Variants in CSMD1 observed in about 807,000 individuals in gnomAD.
The protein encoded by CSMD1 is CUB and Sushi multiple domains 1.
Under a neutral mutation model 417.5 loss-of-function variants are expected in CSMD1, and 213 were observed. The observed-to-expected ratio is 0.51, with a 90% CI of 0.46 to 0.57. The LOEUF (loss-of-function observed/expected upper bound fraction) is 0.57. Among genes scored for constraint, CSMD1 ranks in the 20% least tolerant of loss-of-function variants. The pLI is 0.00. For synonymous variants in CSMD1, 2,862 were observed against 1,736.8 expected, an observed-to-expected ratio of 1.65 and a Z score of -16.11; for missense variants, 6,923 against 4,529.7, an observed-to-expected ratio of 1.53 and a Z score of -15.17.
intron 26 of CSMD1, among the ~76,000 whole-genome samples, chr8:3,232,529 A>G (rs1798902163): frequency 6.6e-6 from 1 of 152,178 alleles, no homozygotes; most frequent in Non-Finnish European, 1.5e-5. Context: ...ACCCTTATAT[A>G]AAATGCTGCT....
At chr8:4,021,701 T>A (rs1228525937) in intron 4 of CSMD1, among the ~76,000 whole-genome samples, 2 of 152,204 alleles carry the variant, frequency 1.3e-5, no homozygotes, top group African/African-American at 2.4e-5. Flanking sequence ...AGTGACTATT[T>A]TTTTCTCTAT....
At chr8:3,281,703 G>C (rs563939695) in intron 26 of CSMD1, among the ~76,000 whole-genome samples, 1 of 152,288 alleles carries the variant, frequency 6.6e-6, no homozygotes, top group South Asian at 2.1e-4. Context: ...GCAGAACACA[G>C]GGAATTGTTA....
Position 3,930,519 on chromosome 8 carries a change from T to C in CSMD1, c.818+67384A>G, listed in dbSNP as rs532124108. ...TCCTTCCTTTGTTCTCCTCTGCCTT[T>C]GCCTCTTTTCAAAAGTTCTAAGTTG... On this transcript the variant is annotated intron_variant, in intron 5 of 69. Coordinates refer to ENST00000635120, the MANE Select transcript of CSMD1 (RefSeq NM_033225.6). 9.2e-4 allele frequency among the ~76,000 whole-genome samples: 138 copies of C among 150,528 alleles called. 7 individuals carry two copies. Among genetic ancestry groups the C allele is most frequent in the African/African-American group, 3.2e-3 (131 of 40,840 alleles).
intron 49 of CSMD1, among the ~76,000 whole-genome samples, chr8:3,079,680 T>A (rs1193789332): frequency 1.3e-5 from 2 of 152,150 alleles, no homozygotes; most frequent in Non-Finnish European, 2.9e-5. Flanking sequence ...AAAGGACAGT[T>A]TCCTCTGAAA....
intron 3 of CSMD1, among the ~76,000 whole-genome samples, chr8:4,415,039 G>A (rs530689823): frequency 2.0e-5 from 3 of 152,290 alleles, no homozygotes; most frequent in Admixed American, 6.5e-5. Flanking sequence ...GCTATCCTTC[G>A]TTTCATAGTC....
intron 50 of CSMD1, among the ~76,000 whole-genome samples, chr8:3,040,192 T>C (rs1432898802): frequency 6.6e-6 from 1 of 152,136 alleles, no homozygotes; most frequent in Non-Finnish European, 1.5e-5. Context: ...CCAAACTTTA[T>C]GTTCTGTTTA....
intron 40 of CSMD1, among the ~76,000 whole-genome samples, chr8:3,143,703 A>G (rs1229256325): frequency 6.6e-6 from 1 of 152,222 alleles, no homozygotes; most frequent in Non-Finnish European, 1.5e-5. Context: ...TCCAGTATAA[A>G]AGAAAGCTTT....
chr8:3,900,204 GACAGTGGAGCTGGGTGACAGTGTTA>G (rs1421586522), intron 5 of CSMD1, among the ~76,000 whole-genome samples: 3 of 152,026 alleles, frequency 2.0e-5, no homozygotes, highest in South Asian at 2.1e-4. Flanking sequence ...GCAGCTGGGT[GACAGTGGAGCTGGGTGACAGTGTTA>G]ACAGTGGAGC....
intron 1 of CSMD1, among the ~76,000 whole-genome samples, chr8:4,814,449 G>C (rs58024148): frequency 6.6e-6 from 1 of 152,140 alleles, no homozygotes; most frequent in African/African-American, 2.4e-5. Flanking sequence ...GTTTCACCAT[G>C]TTGGCCAAGG....
intron 7 of CSMD1, among the ~76,000 whole-genome samples, chr8:3,686,767 C>T (rs1439192036): frequency 6.6e-6 from 1 of 152,222 alleles, no homozygotes; most frequent in East Asian, 1.9e-4. Flanking sequence ...GCCAGTCTAT[C>T]AGTGGCTGGT....
intron 3 of CSMD1, among the ~76,000 whole-genome samples, chr8:4,356,719 G>C (rs1801453001): frequency 1.3e-5 from 2 of 152,056 alleles, no homozygotes; most frequent in South Asian, 4.1e-4. Flanking sequence ...CTCTCCAATG[G>C]AGAGGTACAG....
At chr8:4,376,795 GTCCGACCT>G (rs1357814366) in intron 3 of CSMD1, among the ~76,000 whole-genome samples, 6 of 152,098 alleles carry the variant, frequency 3.9e-5, no homozygotes, top group African/African-American at 7.2e-5. Context: ...ATTTTCTGTT[GTCCGACCT>G]CTACTTTCAT....
chr8:3,179,765 A>C (rs1237296500), intron 37 of CSMD1, among the ~76,000 whole-genome samples: 1 of 152,246 alleles, frequency 6.6e-6, no homozygotes, highest in East Asian at 1.9e-4. Flanking sequence ...ACAGAGAGTC[A>C]CAAAGTATAT....
chr8:3,091,538 T>A lies in CSMD1; in HGVS notation c.7263A>T (p.Lys2421Asn). The stretch of plus-strand genomic sequence containing the variant: ...TACCTGCATAGCGAATCTTGAATCC[T>A]TTCTTACTGGTGGCATGGTCAGTGG... The part of the protein sequence containing the change: ...RWSTDHATSK[K>N]GFKIRYAAPY... Residue 2421 changes from lysine (K) to asparagine (N), a missense_variant, in exon 48 of 70, where the codon AAA becomes AAT. Transcript: ENST00000635120. 1.2e-6 allele frequency: 2 copies of A among 1,606,404 alleles called. No homozygotes were observed.
chr8:3,955,079 G>A (rs1344904274), intron 5 of CSMD1, among the ~76,000 whole-genome samples: 1 of 152,146 alleles, frequency 6.6e-6, no homozygotes, highest in Non-Finnish European at 1.5e-5. Context: ...ACCATCACCT[G>A]ACATTTCTAG....
intron 3 of CSMD1, among the ~76,000 whole-genome samples, chr8:4,095,520 C>G (rs1406424693): frequency 1.3e-5 from 2 of 152,180 alleles, no homozygotes; most frequent in Non-Finnish European, 2.9e-5. Flanking sequence ...AATGTCCCCA[C>G]TAGTATCAAT....
Position 4,382,432 on chromosome 8 carries a change from G to T in CSMD1, c.415+37521C>A, listed in dbSNP as rs1490911655. Among the ~76,000 whole-genome samples the T allele has an allele frequency of 3.9e-5, 6 of 152,302 alleles. No individual in the cohort carries two copies. In the East Asian group the frequency reaches 1.2e-3, roughly 29 times the overall value. On this transcript the variant is annotated intron_variant, in intron 3 of 69. Transcript: ENST00000635120. Reference sequence around the variant, plus strand: ...GAAGCAAATTAGCTGTCCTATTGTAGTATAGTCTGGCCTTGTTACTTTATA... The same window carrying T: ...GAAGCAAATTAGCTGTCCTATTGTATTATAGTCTGGCCTTGTTACTTTATA...
At chr8:4,190,849 C>G (rs536041491) in intron 3 of CSMD1, among the ~76,000 whole-genome samples, 47 of 151,588 alleles carry the variant, frequency 3.1e-4, no homozygotes, top group African/African-American at 1.0e-3. Context: ...GATGCAGGAA[C>G]AGAAAACCAA....
chr8:4,811,951 A>G (rs1002646244), intron 1 of CSMD1, among the ~76,000 whole-genome samples: 1 of 152,190 alleles, frequency 6.6e-6, no homozygotes, highest in Non-Finnish European at 1.5e-5. Context: ...AGAATAAGTC[A>G]TAGAAATACA....
Sources: allele counts gnomAD v4.1 joint callset (sites outside exome capture counted in the v4.1 genomes callset), GRCh38; gene constraint gnomAD v4.1.1; transcripts MANE v1.5; gene names NCBI Gene and HGNC (gene_info 2026-07-23, HGNC 2026-07-21).